Variants in DLGAP2 observed in about 807,000 individuals in gnomAD.
The protein encoded by DLGAP2 is disks large-associated protein 2.
A neutral mutation model predicts 100.3 loss-of-function variants in DLGAP2; 26 were observed. The ratio of observed to expected loss-of-function variants is 0.26; its 90% CI spans 0.19 to 0.36. The LOEUF is 0.36. DLGAP2 is among the 10% of genes least tolerant of loss of function. The probability of loss-of-function intolerance (pLI) is 1.00; values close to 1 mark genes in which losing one functional copy is unlikely to be tolerated. For synonymous variants in DLGAP2, 886 were observed against 630.1 expected (o/e 1.41, Z -6.08); for missense variants, 1,858 against 1,453.2 (o/e 1.28, Z -4.53).
intron 3 of DLGAP2, among the ~76,000 whole-genome samples, chr8:1,474,738 G>A (rs1798886651): frequency 6.6e-6 from 1 of 152,182 alleles, no homozygotes; most frequent in Non-Finnish European, 1.5e-5. Context: ...TGTTTAACAG[G>A]TTGGCAAGGC....
At chr8:969,927 G>T (rs555931901) in intron 2 of DLGAP2, among the ~76,000 whole-genome samples, 74 of 152,226 alleles carry the variant, frequency 4.9e-4, no homozygotes, top group African/African-American at 1.7e-3. Flanking sequence ...AACATTTGAG[G>T]TTATGTTCTT....
chr8:1,359,938 G>T (rs1433525890), intron 3 of DLGAP2, among the ~76,000 whole-genome samples: 3 of 152,218 alleles, frequency 2.0e-5, no homozygotes, highest in African/African-American at 7.2e-5. Flanking sequence ...GACTTAAACA[G>T]GACCGTCCTG....
At chr8:1,106,213 G>A (rs1156972486) in intron 2 of DLGAP2, among the ~76,000 whole-genome samples, 1 of 149,328 alleles carries the variant, frequency 6.7e-6, no homozygotes, top group African/African-American at 2.5e-5. Context: ...ATTCTAGGAG[G>A]ATTTTGTATT....
chr8:901,977 C>T (rs1464850280), intron 1 of DLGAP2, among the ~76,000 whole-genome samples: 1 of 152,168 alleles, frequency 6.6e-6, no homozygotes, highest in Non-Finnish European at 1.5e-5. Context: ...AGCCGTGCAA[C>T]CCCCACTGGA....
In DLGAP2 at chr8:1,534,252, A is replaced by G. The variant is rs1243660386; in HGVS notation, c.173-14374A>G. On this transcript the variant is annotated intron_variant, in intron 4 of 14. Coordinates refer to ENST00000637795, the MANE Select transcript of DLGAP2 (RefSeq NM_001346810.2). ...AATTATAATTACTTTTGTGAAGCGA[A>G]AAGTGTGTGTCACAAGGCAAATTTT... Among the ~76,000 whole-genome samples the G allele has an allele frequency of 3.3e-5, 5 of 152,232 alleles. No individual in the cohort carries two copies. The East Asian group carries it at 7.7e-4, about 23-fold the overall frequency.
At chr8:1,499,264 C>T (rs919729624) in intron 3 of DLGAP2, among the ~76,000 whole-genome samples, 5 of 152,224 alleles carry the variant, frequency 3.3e-5, no homozygotes, top group African/African-American at 9.6e-5. Context: ...AGTGCTCATG[C>T]TTGTCATTGC....
intron 1 of DLGAP2, among the ~76,000 whole-genome samples, chr8:855,461 C>G (rs1037788334): frequency 6.6e-6 from 1 of 152,062 alleles, no homozygotes; most frequent in African/African-American, 2.4e-5. Context: ...GCAGGAGAAT[C>G]AGGAGGCTGG....
chr8:1,571,152 C>A (rs188331784), intron 6 of DLGAP2, among the ~76,000 whole-genome samples: 19 of 70,456 alleles, frequency 2.7e-4, no homozygotes, highest in African/African-American at 5.6e-4. Flanking sequence ...GGGGCATCTT[C>A]TGGGATGGAG....
chr8:752,476 G>GC (rs1820816135), intron 1 of DLGAP2, among the ~76,000 whole-genome samples: 1 of 152,198 alleles, frequency 6.6e-6, no homozygotes, highest in African/African-American at 2.4e-5. Flanking sequence ...GTGCCGCCAG[G>GC]CAGAGGCCTG....
At chr8:836,273 G>A (rs116142057) in intron 1 of DLGAP2, among the ~76,000 whole-genome samples, 17 of 152,162 alleles carry the variant, frequency 1.1e-4, no homozygotes, top group African/African-American at 4.1e-4. Flanking sequence ...GACTGTCCCC[G>A]TCCATGTTCT....
intron 2 of DLGAP2, among the ~76,000 whole-genome samples, chr8:1,049,865 T>C (rs1000964515): frequency 2.2e-5 from 3 of 136,616 alleles, no homozygotes; most frequent in Non-Finnish European, 5.0e-5. Context: ...TGCACACGCA[T>C]TTACAGTCAC....
At chr8:987,346 G>A (rs1207375107) in intron 2 of DLGAP2, among the ~76,000 whole-genome samples, 1 of 152,158 alleles carries the variant, frequency 6.6e-6, no homozygotes, top group African/African-American at 2.4e-5. Flanking sequence ...CAGTGGGGCT[G>A]GGCTGGGAAT....
At position 1,626,752 on chromosome 8, in the gene DLGAP2, G is replaced by A. The variant is rs780973580; in HGVS notation, c.1455G>A (p.Leu485=). The A allele has an allele frequency of 8.7e-6, 14 of 1,601,916 alleles. No individual in the cohort carries two copies. The South Asian group carries it at 1.6e-4, about 18-fold the overall frequency. The change falls in exon 7 of 15, where the codon CTG becomes CTA. Residue 485 remains leucine (L), a synonymous_variant. Coordinates refer to ENST00000637795, the MANE Select transcript of DLGAP2 (RefSeq NM_001346810.2). The part of the protein sequence containing the change: ...PLGEHQTQTY[L]QAASDVPVGH... Reference sequence around the variant, plus strand: ...TTCTTTCCTGTAGCCAGACCTACCTGCAAGCTGCAAGCGATGTGCCTGTGG... The same window carrying A: ...TTCTTTCCTGTAGCCAGACCTACCTACAAGCTGCAAGCGATGTGCCTGTGG...
intron 8 of DLGAP2, among the ~76,000 whole-genome samples, chr8:1,648,097 A>G (rs1328204659): frequency 6.6e-6 from 1 of 152,206 alleles, no homozygotes; most frequent in East Asian, 1.9e-4. Flanking sequence ...ACCGTGCCAC[A>G]CCAGGCTCAA....
chr8:783,115 C>T (rs1163629352), intron 1 of DLGAP2, among the ~76,000 whole-genome samples: 1 of 152,204 alleles, frequency 6.6e-6, no homozygotes, highest in Non-Finnish European at 1.5e-5. Flanking sequence ...GATAATGTGA[C>T]CAACACAAGG....
At chr8:1,085,721 C>G (rs147216109) in intron 2 of DLGAP2, among the ~76,000 whole-genome samples, 4 of 152,262 alleles carry the variant, frequency 2.6e-5, no homozygotes, top group African/African-American at 9.6e-5. Flanking sequence ...AGCTTTGCTA[C>G]TTTTGCTCAT....
At position 1,705,793 on chromosome 8, in the gene DLGAP2, C is replaced by T. The variant is rs1311214800; in HGVS notation, c.*4387C>T. The T allele has an allele frequency of 6.6e-6, 1 of 152,156 alleles. No individual in the cohort carries two copies. Among genetic ancestry groups the T allele is most frequent in the African/African-American group, 2.4e-5 (1 of 41,402 alleles). The allele number at this position is 152,156 out of a possible 1,614,324, so 9.4% of individuals were successfully genotyped here. A position where few individuals can be genotyped will look rare whatever the true frequency, so the allele number is the denominator to read the frequency against. Reference sequence around the variant, plus strand: ...CAGACGACAGCCCCTGGGAATGTTCCAGGGTTCTCTTGTTTTGATCTGCAT... The same window carrying T: ...CAGACGACAGCCCCTGGGAATGTTCTAGGGTTCTCTTGTTTTGATCTGCAT... On this transcript the variant is annotated 3_prime_UTR_variant, in exon 15 of 15. Transcript: ENST00000637795.
intron 1 of DLGAP2, among the ~76,000 whole-genome samples, chr8:797,586 A>T (rs1221844056): frequency 3.3e-5 from 5 of 152,170 alleles, no homozygotes; most frequent in African/African-American, 1.2e-4. Flanking sequence ...ACTGCTGGCC[A>T]TAGATGTCAA....
At position 1,037,479 on chromosome 8, in the gene DLGAP2, G is replaced by A. The variant is rs539833548; in HGVS notation, c.73+129513G>A. 2.0e-5 allele frequency among the ~76,000 whole-genome samples: 3 copies of A among 152,280 alleles called. No homozygotes were observed. In the East Asian group the frequency reaches 5.8e-4, roughly 30 times the overall value. Reference sequence around the variant, plus strand: ...GGCGGTGGCCTGGCTGCTGTGCACTGAAGAGGCAGTGCTGCCTTCACCTGT... The same window carrying A: ...GGCGGTGGCCTGGCTGCTGTGCACTAAAGAGGCAGTGCTGCCTTCACCTGT... On this transcript the variant is annotated intron_variant, in intron 2 of 14. Coordinates refer to ENST00000637795, the MANE Select transcript of DLGAP2 (RefSeq NM_001346810.2).
Sources: gnomAD v4.1 joint callset for allele counts (sites outside exome capture counted in the v4.1 genomes callset) on GRCh38, gnomAD v4.1.1 for gene constraint, MANE v1.5 for transcripts, NCBI Gene and HGNC (gene_info 2026-07-23, HGNC 2026-07-21) for gene names.